Variants in TTC21B observed in about 807,000 individuals in gnomAD.
TTC21B encodes tetratricopeptide repeat domain 21B.
A neutral mutation model predicts 175.1 loss-of-function variants in TTC21B; 127 were observed. The observed-to-expected ratio is 0.73, with a 90% CI of 0.63 to 0.84. The LOEUF is 0.84. TTC21B is among the 40% of genes least tolerant of loss of function. The pLI, the probability that TTC21B is intolerant of heterozygous loss-of-function variation, is 0.00. For synonymous variants in TTC21B, 524 were observed against 524.5 expected (o/e 1.00, Z 0.01); for missense variants, 1,561 against 1,558.3 (o/e 1.00, Z -0.03).
At chr2:165,907,364 A>C (rs1325754500) in intron 19 of TTC21B, among the ~76,000 whole-genome samples, 1 of 152,172 alleles carries the variant, frequency 6.6e-6, no homozygotes, top group African/African-American at 2.4e-5. Context: ...AGAAAAAAGA[A>C]GATCTAAATA....
At chr2:165,924,771 C>A in intron 11 of TTC21B, 93 bp from the exon 12 acceptor site, 2 of 1,383,230 alleles carry the variant, frequency 1.4e-6, no homozygotes, top group Non-Finnish European at 2.0e-6. Flanking sequence ...ACTAACCAAG[C>A]TATATACATT....
chr2:165,924,481 A>T, intron 12 of TTC21B, 68 bp downstream of exon 12: 1 of 1,492,458 alleles, frequency 6.7e-7, no homozygotes, highest in South Asian at 1.2e-5. Flanking sequence ...CACAGTGCTT[A>T]ATTTATTTAC....
rs1685561815 is a variant in TTC21B at position 165,901,656 on chromosome 2, T to C, written c.2757+66A>G. Reference sequence around the variant, plus strand: ...CTTTTAAAATAAGCTGGTAAAAATTTTACATCTGAGGAAATTAGAAGACAT... The same window carrying C: ...CTTTTAAAATAAGCTGGTAAAAATTCTACATCTGAGGAAATTAGAAGACAT... On this transcript the variant is annotated intron_variant, in intron 20 of 28. Transcript: ENST00000243344. 4 of 1,494,724 alleles carry C rather than the reference T, an allele frequency of 2.7e-6. No homozygotes were observed. In the Admixed American group the frequency reaches 6.7e-5, roughly 25 times the overall value. The allele number at this position is 1,494,724 out of a possible 1,614,324, so 92.6% of individuals were successfully genotyped here. A position where few individuals can be genotyped will look rare whatever the true frequency, so the allele number is the denominator to read the frequency against.
At position 165,945,272 on chromosome 2, in the gene TTC21B, G is replaced by C. The variant is rs139365675; in HGVS notation, c.429+252C>G. Reference sequence around the variant, plus strand: ...AAAAAAAGGTAGAGAAAAAGAAAGAGAAAAACAGAGAGAAGGAACCAGGCA... The same window carrying C: ...AAAAAAAGGTAGAGAAAAAGAAAGACAAAAACAGAGAGAAGGAACCAGGCA... On this transcript the variant is annotated intron_variant, in intron 4 of 28. Transcript: ENST00000243344. 0.013 allele frequency among the ~76,000 whole-genome samples: 1,912 copies of C among 152,082 alleles called. 28 individuals carry two copies. The highest frequency in any genetic ancestry group is 0.085 in the Middle Eastern group (25 of 294).
intron 6 of TTC21B, among the ~76,000 whole-genome samples, chr2:165,937,980 A>G (rs1227179819): frequency 6.6e-6 from 1 of 152,112 alleles, no homozygotes; most frequent in Non-Finnish European, 1.5e-5. Flanking sequence ...ATGAGCCTGG[A>G]CAGCTTGTCG....
At chr2:165,893,931 ATAT>A (rs1685277618) in intron 22 of TTC21B, among the ~76,000 whole-genome samples, 1 of 152,218 alleles carries the variant, frequency 6.6e-6, no homozygotes, top group Non-Finnish European at 1.5e-5. Flanking sequence ...ATTTGCGGCC[ATAT>A]TATTATTAAA....
Position 165,929,853 on chromosome 2 carries a change from T to C in TTC21B, c.1088-106A>G, listed in dbSNP as rs548829176. 5.6e-5 allele frequency: 44 copies of C among 785,118 alleles called. No homozygotes were observed. The East Asian group carries it at 1.1e-3, about 19-fold the overall frequency. The allele number at this position is 785,118 out of a possible 1,614,324, so 48.6% of individuals were successfully genotyped here. ...TAAAACACCCTTTCCCCCATCACAA[T>C]ACTTAACGTTTTAGATTAAAAACAA... On this transcript the variant is annotated intron_variant, in intron 9 of 28. Coordinates refer to ENST00000243344, the MANE Select transcript of TTC21B (RefSeq NM_024753.5).
chr2:165,883,142 G>A (rs1458314653), intron 26 of TTC21B, among the ~76,000 whole-genome samples: 1 of 152,004 alleles, frequency 6.6e-6, no homozygotes, highest in African/African-American at 2.4e-5. Flanking sequence ...ATGAATATAT[G>A]AAGATAAATA....
intron 26 of TTC21B, among the ~76,000 whole-genome samples, chr2:165,882,931 A>G (rs115166697): frequency 0.011 from 1,632 of 152,238 alleles, 27 homozygotes; most frequent in African/African-American, 0.037. Context: ...TTAACATAAA[A>G]TTTATGTAGC....
chr2:165,888,852 G>C (rs1467817937), intron 24 of TTC21B, among the ~76,000 whole-genome samples: 2 of 152,120 alleles, frequency 1.3e-5, no homozygotes, highest in African/African-American at 4.8e-5. Context: ...GGAAAAAAGT[G>C]ACAAATACTG....
In TTC21B at chr2:165,915,390, GTT is replaced by G. The variant is rs1455507192; in HGVS notation, c.1947_1948del (p.Thr650IlefsTer2). On this transcript the variant is annotated frameshift_variant, in exon 15 of 29. Coordinates refer to ENST00000243344, the MANE Select transcript of TTC21B (RefSeq NM_024753.5). LOFTEE classifies it high-confidence loss of function. ...AATGGTAACCCGCACTTCTTCAGAT[GTT>G]CCAGAAAATTCATGGATGGCATCTT... The G allele has an allele frequency of 3.7e-6, 6 of 1,613,994 alleles. No individual in the cohort carries two copies. The highest frequency in any genetic ancestry group is 5.1e-6 in the Non-Finnish European group (6 of 1,180,004).
intron 19 of TTC21B, 103 bp from the exon 20 acceptor site, chr2:165,902,013 AC>A (rs1484657781): frequency 9.9e-7 from 1 of 1,011,740 alleles, no homozygotes; most frequent in Non-Finnish European, 1.5e-6. Context: ...AACATTATGA[AC>A]CCTTGATCTA....
intron 27 of TTC21B, among the ~76,000 whole-genome samples, chr2:165,878,431 G>A (rs1015949812): frequency 6.6e-6 from 1 of 152,076 alleles, no homozygotes; most frequent in Non-Finnish European, 1.5e-5. Context: ...GGTGAAACAT[G>A]AGTAGTTTCT....
intron 27 of TTC21B, 107 bp from the exon 28 acceptor site, chr2:165,876,339 C>G (rs1317595546): frequency 5.2e-6 from 4 of 764,780 alleles, no homozygotes; most frequent in Non-Finnish European, 7.0e-6. Context: ...GTAAGGGAGG[C>G]TGGTGAATGA....
intron 16 of TTC21B, 86 bp from the exon 17 acceptor site, chr2:165,912,710 T>G: frequency 1.0e-6 from 1 of 962,866 alleles, no homozygotes; most frequent in South Asian, 1.3e-5. Flanking sequence ...AATTAATCTC[T>G]ACATTTGTAA....
At chr2:165,903,762 T>A (rs1245865951) in intron 19 of TTC21B, among the ~76,000 whole-genome samples, 1 of 152,228 alleles carries the variant, frequency 6.6e-6, no homozygotes, top group African/African-American at 2.4e-5. Flanking sequence ...AAAAACACTA[T>A]GACAGAACCC....
chr2:165,902,123 T>C (rs753805732), intron 19 of TTC21B, among the ~76,000 whole-genome samples: 10 of 152,282 alleles, frequency 6.6e-5, no homozygotes, highest in East Asian at 5.8e-4. Flanking sequence ...AAAACACTTA[T>C]GGAATTACTG....
chr2:165,917,594 T>C (rs1686224490), intron 13 of TTC21B, 113 bp from the exon 14 acceptor site: 2 of 856,006 alleles, frequency 2.3e-6, no homozygotes, highest in South Asian at 2.9e-5. Context: ...TCTTTGATTG[T>C]ATGCATGAGG....
rs918856182 is a variant in TTC21B at position 165,873,807 on chromosome 2, T to C, written c.*948A>G. 2.0e-5 allele frequency: 3 copies of C among 152,118 alleles called. No homozygotes were observed. The highest frequency in any genetic ancestry group is 7.2e-5 in the African/African-American group (3 of 41,422). 9.4% of individuals were successfully genotyped at this position (152,118 alleles called of 1,614,324 possible). A position where few individuals can be genotyped will look rare whatever the true frequency, so the allele number is the denominator to read the frequency against. On this transcript the variant is annotated 3_prime_UTR_variant, in exon 29 of 29. Coordinates refer to ENST00000243344, the MANE Select transcript of TTC21B (RefSeq NM_024753.5). ...GAAAGGGAAACACACACTCTACCCT[T>C]TTCTAAAAAAGATTTTTCAATGAAA...
Sources: gnomAD v4.1 joint callset for allele counts (sites outside exome capture counted in the v4.1 genomes callset) on GRCh38, gnomAD v4.1.1 for gene constraint, MANE v1.5 for transcripts, NCBI Gene and HGNC (gene_info 2026-07-23, HGNC 2026-07-21) for gene names.